CSMD1: variants seen among roughly 807,000 people sequenced by gnomAD.
The protein encoded by CSMD1 is CUB and sushi domain-containing protein 1.
A neutral mutation model predicts 417.5 loss-of-function variants in CSMD1; 213 were observed. That is an observed-to-expected ratio of 0.51 (90% confidence interval 0.46 to 0.57). The LOEUF (loss-of-function observed/expected upper bound fraction) is 0.57, where lower values mean the gene tolerates loss of function less well. Ranked by LOEUF, CSMD1 falls within the 20% of genes least tolerant of loss-of-function variation. The pLI is 0.00. For synonymous variants in CSMD1, 2,862 were observed against 1,736.8 expected, an observed-to-expected ratio of 1.65 and a Z score of -16.11; for missense variants, 6,923 against 4,529.7, an observed-to-expected ratio of 1.53 and a Z score of -15.17.
intron 3 of CSMD1, among the ~76,000 whole-genome samples, chr8:4,128,406 G>A (rs1004283740): frequency 6.6e-6 from 1 of 152,138 alleles, no homozygotes; most frequent in African/African-American, 2.4e-5. Flanking sequence ...TAAAACATCT[G>A]TGATGACTCT....
chr8:3,269,941 G>A (rs370480335), intron 26 of CSMD1, among the ~76,000 whole-genome samples: 3 of 151,774 alleles, frequency 2.0e-5, no homozygotes, highest in African/African-American at 2.4e-5. Flanking sequence ...GAAGGTAAAC[G>A]CACATAAAGC....
At chr8:4,034,668 G>T (rs1324415080) in intron 3 of CSMD1, among the ~76,000 whole-genome samples, 1 of 152,178 alleles carries the variant, frequency 6.6e-6, no homozygotes, top group Non-Finnish European at 1.5e-5. Context: ...TGAAGAGTGA[G>T]AAAGGGAGTG....
At chr8:4,777,092 C>G (rs1179521325) in intron 1 of CSMD1, among the ~76,000 whole-genome samples, 1 of 152,106 alleles carries the variant, frequency 6.6e-6, no homozygotes, top group Non-Finnish European at 1.5e-5. Context: ...TAGATCAGTC[C>G]TTGGTAATAA....
intron 1 of CSMD1, among the ~76,000 whole-genome samples, chr8:4,803,110 G>C (rs1001785959): frequency 2.6e-5 from 4 of 152,092 alleles, no homozygotes; most frequent in Non-Finnish European, 4.4e-5. Context: ...TTATTTAAAA[G>C]ATCATGTATA....
chr8:4,413,924 T>G (rs569912672), intron 3 of CSMD1, among the ~76,000 whole-genome samples: 1 of 152,312 alleles, frequency 6.6e-6, no homozygotes, highest in South Asian at 2.1e-4. Flanking sequence ...AGGAAAGTAA[T>G]TATTGAAATT....
intron 23 of CSMD1, among the ~76,000 whole-genome samples, chr8:3,333,873 C>T (rs369940535): frequency 6.3e-4 from 96 of 152,284 alleles, no homozygotes; most frequent in African/African-American, 2.2e-3. Flanking sequence ...GCTTACACAT[C>T]ACAACCAAGA....
chr8:3,837,858 T>A (rs952329492), intron 5 of CSMD1, among the ~76,000 whole-genome samples: 1 of 152,174 alleles, frequency 6.6e-6, no homozygotes, highest in African/African-American at 2.4e-5. Flanking sequence ...CACAGCTTCA[T>A]TCCAACCTCA....
chr8:4,531,620 G>T (rs1796822161), intron 2 of CSMD1, among the ~76,000 whole-genome samples: 1 of 152,038 alleles, frequency 6.6e-6, no homozygotes, highest in South Asian at 2.1e-4. Flanking sequence ...CGCTCGTCAG[G>T]CCCTCATGGT....
intron 50 of CSMD1, among the ~76,000 whole-genome samples, chr8:3,036,561 C>T (rs1224940046): frequency 2.6e-5 from 4 of 152,094 alleles, no homozygotes; most frequent in African/African-American, 9.7e-5. Context: ...ACAACTAAAG[C>T]AAAGTGTGCA....
At chr8:4,750,219 C>G (rs2617050) in intron 1 of CSMD1, among the ~76,000 whole-genome samples, 40,141 of 151,642 alleles carry the variant, frequency 0.26, 5,937 homozygotes, top group African/African-American at 0.4. Flanking sequence ...GTGTTAGCCA[C>G]GATGGTCTCG....
At chr8:3,430,893 A>G (rs1359123861) in intron 12 of CSMD1, among the ~76,000 whole-genome samples, 1 of 152,240 alleles carries the variant, frequency 6.6e-6, no homozygotes, top group Non-Finnish European at 1.5e-5. Context: ...AGATAAAATA[A>G]TTGAAGAAAA....
At chr8:4,455,737 C>T (rs988642870) in intron 2 of CSMD1, among the ~76,000 whole-genome samples, 1 of 151,376 alleles carries the variant, frequency 6.6e-6, no homozygotes, top group South Asian at 2.1e-4. Context: ...TCAAGACCAG[C>T]CTGGCCAACA....
Position 3,071,701 on chromosome 8 carries a change from T to C in CSMD1, c.7474+15396A>G, listed in dbSNP as rs1467731589. ...TTTTGGAAAATGTGAGCAAAAAAAC[T>C]ACCATTCATCAACACCATTACAGCC... On this transcript the variant is annotated intron_variant, in intron 49 of 69. Transcript: ENST00000635120. Among the ~76,000 whole-genome samples, 4 of 152,312 alleles carry C rather than the reference T, an allele frequency of 2.6e-5. No homozygotes were observed. In the East Asian group the frequency reaches 7.7e-4, roughly 29 times the overall value.
chr8:3,116,177 T>A (rs539046237), intron 42 of CSMD1, among the ~76,000 whole-genome samples: 1 of 152,244 alleles, frequency 6.6e-6, no homozygotes, highest in Non-Finnish European at 1.5e-5. Context: ...GAAAAGGATA[T>A]TAAACACACA....
intron 5 of CSMD1, among the ~76,000 whole-genome samples, chr8:3,821,933 G>A (rs1044823792): frequency 4.5e-4 from 68 of 152,176 alleles, no homozygotes; most frequent in African/African-American, 1.5e-3. Context: ...ACAACATGGA[G>A]AGGTTTTCCT....
chr8:4,647,510 G>A lies in CSMD1; in HGVS notation c.86-9952C>T, dbSNP rs557065478. 5.3e-5 allele frequency among the ~76,000 whole-genome samples: 8 copies of A among 150,808 alleles called. No homozygotes were observed. The South Asian group carries it at 6.2e-4, about 12-fold the overall frequency. Reference sequence around the variant, plus strand: ...ATGGTGGTTTGTTACGTAGGTACGCGTGTGCCATGGTTGTTTGCTGCACCT... The same window carrying A: ...ATGGTGGTTTGTTACGTAGGTACGCATGTGCCATGGTTGTTTGCTGCACCT... On this transcript the variant is annotated intron_variant, in intron 1 of 69. Coordinates refer to ENST00000635120, the MANE Select transcript of CSMD1 (RefSeq NM_033225.6).
At chr8:4,293,136 G>C (rs1363870999) in intron 3 of CSMD1, among the ~76,000 whole-genome samples, 1 of 152,080 alleles carries the variant, frequency 6.6e-6, no homozygotes, top group African/African-American at 2.4e-5. Flanking sequence ...TCTCAGTTTT[G>C]TCCCGCACCT....
intron 12 of CSMD1, among the ~76,000 whole-genome samples, chr8:3,415,151 T>A (rs1813050090): frequency 6.6e-6 from 1 of 152,250 alleles, no homozygotes; most frequent in Admixed American, 6.5e-5. Flanking sequence ...ATTTAAATTG[T>A]ATATATTGTT....
At chr8:4,559,885 C>G (rs897825104) in intron 2 of CSMD1, among the ~76,000 whole-genome samples, 3 of 152,198 alleles carry the variant, frequency 2.0e-5, no homozygotes, top group African/African-American at 4.8e-5. Flanking sequence ...CGTTCTAGAG[C>G]CTCTTTGGGT....
Sources: gnomAD v4.1 joint callset for allele counts (sites outside exome capture counted in the v4.1 genomes callset) on GRCh38, gnomAD v4.1.1 for gene constraint, MANE v1.5 for transcripts, NCBI Gene and HGNC (gene_info 2026-07-23, HGNC 2026-07-21) for gene names.